The following TXLNB variants were observed in gnomAD, a reference collection of about 807,000 sequenced individuals.
The protein encoded by TXLNB is taxilin beta.
In TXLNB, 37 loss-of-function variants were observed where a neutral mutation model predicts 57.4. That is an observed-to-expected ratio of 0.64 (90% confidence interval 0.50 to 0.85). The LOEUF (loss-of-function observed/expected upper bound fraction) is 0.85. Ranked by LOEUF, TXLNB falls within the 40% of genes least tolerant of loss-of-function variation. The probability of loss-of-function intolerance (pLI) is 0.00; values close to 1 mark genes in which losing one functional copy is unlikely to be tolerated. For synonymous variants in TXLNB, 302 were observed against 309.6 expected (o/e 0.98, Z 0.26); for missense variants, 848 against 825.6 (o/e 1.03, Z -0.33).
the TXLNB span, among the ~76,000 whole-genome samples, chr6:139,190,413 G>A: frequency 2.6e-4 from 39 of 149,702 alleles, no homozygotes; most frequent in African/African-American, 9.1e-4. Context: ...AGGTTCAAGC[G>A]ATTCTCCTGC....
chr6:139,260,183 G>T, intron 6 of TXLNB, 135 bp downstream of exon 6: 1 of 1,063,014 alleles, frequency 9.4e-7, no homozygotes, highest in Non-Finnish European at 1.3e-6. Flanking sequence ...TCACGCCACT[G>T]CATTTCAGCC....
intron 7 of TXLNB, among the ~76,000 whole-genome samples, 171 bp from the exon 8 acceptor site, chr6:139,248,080 A>T (rs1316028059): frequency 1.3e-5 from 2 of 152,224 alleles, no homozygotes; most frequent in Admixed American, 6.5e-5. Context: ...CTTTAAAGAA[A>T]AATGGAAAAA....
intron 5 of TXLNB, among the ~76,000 whole-genome samples, chr6:139,261,085 A>G (rs919457989): frequency 6.6e-5 from 10 of 152,196 alleles, no homozygotes; most frequent in Non-Finnish European, 1.5e-4. Flanking sequence ...TAGTTTGGTC[A>G]AGAGAAACTT....
chr6:139,238,521 C>T (rs1335168486), downstream of TXLNB, among the ~76,000 whole-genome samples: 3 of 152,178 alleles, frequency 2.0e-5, no homozygotes, highest in Non-Finnish European at 2.9e-5. Context: ...GCACATGTGA[C>T]AGAAGCTAGC....
At chr6:139,198,622 A>G in the TXLNB span, among the ~76,000 whole-genome samples, 9 of 152,250 alleles carry the variant, frequency 5.9e-5, no homozygotes, top group East Asian at 1.9e-4. Context: ...CTGGCTTCCA[A>G]TTGGTTTTGG....
the TXLNB span, among the ~76,000 whole-genome samples, chr6:139,315,870 T>C: frequency 6.6e-6 from 1 of 152,186 alleles, no homozygotes; most frequent in South Asian, 2.1e-4. Flanking sequence ...AGACTTAAAA[T>C]GGATGTTATT....
At chr6:139,219,505 A>T in the TXLNB span, among the ~76,000 whole-genome samples, 1 of 152,218 alleles carries the variant, frequency 6.6e-6, no homozygotes, top group Non-Finnish European at 1.5e-5. Context: ...CAAACCCATT[A>T]TCAGTGCGGT....
At chr6:139,184,636 C>CA in the TXLNB span, among the ~76,000 whole-genome samples, 1 of 152,186 alleles carries the variant, frequency 6.6e-6, no homozygotes, top group South Asian at 2.1e-4. Flanking sequence ...ACTTGGGGAT[C>CA]TAGCTTTGAG....
the TXLNB span, among the ~76,000 whole-genome samples, chr6:139,206,688 G>C: frequency 6.7e-6 from 1 of 148,664 alleles, no homozygotes; most frequent in East Asian, 2.0e-4. Flanking sequence ...AAAAAAAAAA[G>C]ATACAGAATG....
At chr6:139,296,377 A>G (rs1777389749), upstream of TXLNB, among the ~76,000 whole-genome samples, 1 of 152,120 alleles carries the variant, frequency 6.6e-6, no homozygotes, top group African/African-American at 2.4e-5. Flanking sequence ...TTAGTTTTTA[A>G]TGTTTCTTAA....
At chr6:139,180,587 G>T in the TXLNB span, 1 of 152,572 alleles carries the variant, frequency 6.6e-6, no homozygotes, top group Non-Finnish European at 1.5e-5. Flanking sequence ...AAATATAATG[G>T]ATGGGCTCCA....
the TXLNB span, among the ~76,000 whole-genome samples, chr6:139,205,289 G>C: frequency 2.6e-5 from 4 of 152,090 alleles, no homozygotes; most frequent in South Asian, 6.2e-4. Flanking sequence ...CACCACACCT[G>C]GCAAATTTTT....
upstream of TXLNB, among the ~76,000 whole-genome samples, chr6:139,293,532 G>T (rs547945321): frequency 6.6e-6 from 1 of 150,952 alleles, no homozygotes; most frequent in Admixed American, 6.6e-5. Context: ...CCTCCAGAGG[G>T]ATGCAATCCT....
Position 139,240,947 on chromosome 6 carries a change from G to C in TXLNB, c.*1579C>G, listed in dbSNP as rs956187548. On this transcript the variant is annotated 3_prime_UTR_variant, in exon 10 of 10. Coordinates refer to ENST00000358430, the MANE Select transcript of TXLNB (RefSeq NM_153235.4). Reference sequence around the variant, plus strand: ...GAGTTCAACTTTCAAGATAGGGTTGGGTTAGACATTGTTTCTTTCTTCCCT... The same window carrying C: ...GAGTTCAACTTTCAAGATAGGGTTGCGTTAGACATTGTTTCTTTCTTCCCT... The C allele has an allele frequency of 2.0e-5, 3 of 152,156 alleles. No homozygotes were observed. Among genetic ancestry groups the C allele is most frequent in the African/African-American group, 7.2e-5 (3 of 41,410 alleles). The allele number at this position is 152,156 out of a possible 1,614,324, so 9.4% of individuals were successfully genotyped here. A position where few individuals can be genotyped will look rare whatever the true frequency, so the allele number is the denominator to read the frequency against.
Position 139,288,666 on chromosome 6 carries a change from C to T in TXLNB, c.234G>A (p.Gly78=), listed in dbSNP as rs1777235656. 1.9e-6 allele frequency: 3 copies of T among 1,614,050 alleles called. No individual in the cohort carries two copies. Among genetic ancestry groups the T allele is most frequent in the Non-Finnish European group, 2.5e-6 (3 of 1,180,030 alleles). ...CACTGGCCCTGGCAGAGCCCTCTTT[C>T]CCTGCTGTGCTGGCAGCAGACCCAT... ...NTYGSAASTA[G]KEGSARASEQ... The change falls in exon 2 of 10, where the codon GGG becomes GGA. Residue 78 remains glycine, a synonymous_variant. Transcript: ENST00000358430.
chr6:139,281,881 G>A (rs983446294), intron 2 of TXLNB, among the ~76,000 whole-genome samples: 1 of 132,130 alleles, frequency 7.6e-6, no homozygotes, highest in East Asian at 2.1e-4. Flanking sequence ...GTGATGATGT[G>A]TATACACTAT....
At chr6:139,159,431 A>G in the TXLNB span, among the ~76,000 whole-genome samples, 1 of 152,138 alleles carries the variant, frequency 6.6e-6, no homozygotes, top group African/African-American at 2.4e-5. Context: ...TGGAACCGGG[A>G]CTTACACATA....
rs147491519 is a variant in TXLNB, at chr6:139,266,623, A to G, written c.687+3833T>C. Among the ~76,000 whole-genome samples the G allele has an allele frequency of 2.6e-5, 4 of 152,318 alleles. No homozygotes were observed. In the East Asian group the frequency reaches 7.7e-4, roughly 29 times the overall value. On this transcript the variant is annotated intron_variant, in intron 4 of 9. Transcript: ENST00000358430. The stretch of plus-strand genomic sequence containing the variant: ...TGTGGGACAATATCAAAAGGTCTAC[A>G]CACACAGAGTTAGAATCTTAGAAGG...
the TXLNB span, among the ~76,000 whole-genome samples, chr6:139,160,827 ATGGTAGCAT>A: frequency 1.7e-4 from 26 of 152,380 alleles, no homozygotes; most frequent in African/African-American, 5.5e-4. Context: ...GTATAAAATT[ATGGTAGCAT>A]ATAAGCAAAC....
Sources: allele counts gnomAD v4.1 joint callset (sites outside exome capture counted in the v4.1 genomes callset), GRCh38; gene constraint gnomAD v4.1.1; transcripts MANE v1.5; gene names NCBI Gene and HGNC (gene_info 2026-07-23, HGNC 2026-07-21).